The following TTC7B variants were observed in gnomAD, a reference collection of about 807,000 sequenced individuals.
TTC7B encodes tetratricopeptide repeat domain 7B.
TTC7B carries 28 observed loss-of-function variants against 106.8 expected under a neutral mutation model. The observed-to-expected ratio is 0.26, with a 90% CI of 0.19 to 0.36. The LOEUF (loss-of-function observed/expected upper bound fraction) is 0.36. Ranked by LOEUF, TTC7B falls within the 10% of genes least tolerant of loss-of-function variation. The pLI is 1.00. For missense variants in TTC7B, 862 were observed against 1,076.4 expected (o/e 0.80, Z 2.79); for synonymous variants, 405 against 430.6 (o/e 0.94, Z 0.74).
In TTC7B at chr14:90,643,519, A is replaced by G. The variant is rs1315285219; in HGVS notation, c.1751+529T>C. ...GGAAAGAGTGGATAAAGTATTTTAA[A>G]AAAATAAGGATGACCTTATGTTAGG... On this transcript the variant is annotated intron_variant, in intron 15 of 19. Coordinates refer to ENST00000328459, the MANE Select transcript of TTC7B (RefSeq NM_001010854.2). Among the ~76,000 whole-genome samples the G allele has an allele frequency of 2.6e-5, 4 of 152,212 alleles. No homozygotes were observed. The East Asian group carries it at 7.7e-4, about 29-fold the overall frequency.
intron 18 of TTC7B, among the ~76,000 whole-genome samples, chr14:90,580,977 G>A (rs911129930): frequency 6.6e-6 from 1 of 152,148 alleles, no homozygotes; most frequent in Non-Finnish European, 1.5e-5. Context: ...CAGCCTGGCC[G>A]GTCCCTCCCT....
At chr14:90,566,686 G>A (rs185267387) in intron 19 of TTC7B, among the ~76,000 whole-genome samples, 1 of 152,326 alleles carries the variant, frequency 6.6e-6, no homozygotes, top group Non-Finnish European at 1.5e-5. Context: ...TGAACGTGGT[G>A]GGCAGTAAAG....
At chr14:90,801,668 G>A (rs949536352) in intron 1 of TTC7B, among the ~76,000 whole-genome samples, 26 of 152,276 alleles carry the variant, frequency 1.7e-4, no homozygotes, top group African/African-American at 5.1e-4. Context: ...AGGACTGAGC[G>A]GGAAGGACCT....
rs530995910 is a variant in TTC7B at position 90,551,639 on chromosome 14, T to A, written c.2311-10050A>T. Among the ~76,000 whole-genome samples the A allele has an allele frequency of 2.6e-5, 4 of 152,266 alleles. No homozygotes were observed. The East Asian group carries it at 7.7e-4, about 29-fold the overall frequency. On this transcript the variant is annotated intron_variant, in intron 19 of 19. Transcript: ENST00000328459. ...TTTTCAAAAATATTTTTCTTTTAAA[T>A]CAAAATATAAATAGACTGCAAACCA...
chr14:90,577,969 G>T lies in TTC7B; in HGVS notation c.2310+137C>A. The T allele has an allele frequency of 1.8e-6, 2 of 1,105,202 alleles. No individual in the cohort carries two copies. The highest frequency in any genetic ancestry group is 2.6e-6 in the Non-Finnish European group (2 of 773,712). The allele number at this position is 1,105,202 out of a possible 1,614,324, so 68.5% of individuals were successfully genotyped here. A position where few individuals can be genotyped will look rare whatever the true frequency, so the allele number is the denominator to read the frequency against. The stretch of plus-strand genomic sequence containing the variant: ...TAGAAACGGTGCCCTCTGGCTTCAG[G>T]CCATGTGACAGCCTGGCAAGCTAAC... On this transcript the variant is annotated intron_variant, in intron 19 of 19. Transcript: ENST00000328459. This position sits in a 1 kb window ranked among gnomAD's most constrained non-coding sequence, Gnocchi z 5.0.
chr14:90,581,306 C>T (rs888183399), intron 18 of TTC7B, among the ~76,000 whole-genome samples: 1 of 152,114 alleles, frequency 6.6e-6, no homozygotes. Context: ...AACTCCTGAA[C>T]TTCTATACTC....
intron 1 of TTC7B, among the ~76,000 whole-genome samples, chr14:90,791,689 C>A (rs1437859544): frequency 1.3e-5 from 2 of 152,052 alleles, no homozygotes; most frequent in East Asian, 3.9e-4. Context: ...GTTCACCCTC[C>A]CCCATAGGCT....
chr14:90,574,891 C>T (rs1369321642), intron 19 of TTC7B, among the ~76,000 whole-genome samples: 2 of 152,214 alleles, frequency 1.3e-5, no homozygotes, highest in African/African-American at 4.8e-5. Context: ...CGACCTGTCT[C>T]CCAGTTGGCT....
chr14:90,661,996 C>T lies in TTC7B; in HGVS notation c.1153-3609G>A, dbSNP rs1886226653. Among the ~76,000 whole-genome samples, 2 of 152,326 alleles carry T rather than the reference C, an allele frequency of 1.3e-5. 1 individual carries two copies. On this transcript the variant is annotated intron_variant, in intron 9 of 19. Transcript: ENST00000328459. ...TTCCAGGTGCTACAGGAAAGAAAAA[C>T]AGCCCCAGTCCTCATCAGGAGTAGA...
chr14:90,725,749 A>G (rs1889075808), intron 5 of TTC7B, among the ~76,000 whole-genome samples: 1 of 152,180 alleles, frequency 6.6e-6, no homozygotes, highest in Admixed American at 6.5e-5. Flanking sequence ...GCTGACAGTC[A>G]TTTGCCTTTT....
At position 90,539,553 on chromosome 14, in the gene TTC7B, G is replaced by C. The variant is rs892851090; in HGVS notation, c.*1815C>G. 39 of 152,466 alleles carry C rather than the reference G, an allele frequency of 2.6e-4. No individual in the cohort carries two copies. The highest frequency in any genetic ancestry group is 9.4e-4 in the African/African-American group (39 of 41,478). 9.4% of individuals were successfully genotyped at this position (152,466 alleles called of 1,614,324 possible). Reference sequence around the variant, plus strand: ...GCTGAGGCTGGGGCTCCTACCTACTGTCTCTCCCTCCTTGGCTGCCCCCTA... The same window carrying C: ...GCTGAGGCTGGGGCTCCTACCTACTCTCTCTCCCTCCTTGGCTGCCCCCTA... On this transcript the variant is annotated 3_prime_UTR_variant, in exon 20 of 20. Transcript: ENST00000328459.
chr14:90,735,161 G>A (rs960224159), intron 4 of TTC7B, among the ~76,000 whole-genome samples: 11 of 152,192 alleles, frequency 7.2e-5, no homozygotes, highest in African/African-American at 2.7e-4. Context: ...ACATGATTGT[G>A]CAAGTGAATT....
At chr14:90,659,881 G>A (rs763768751) in intron 9 of TTC7B, among the ~76,000 whole-genome samples, 1 of 152,178 alleles carries the variant, frequency 6.6e-6, no homozygotes, top group Non-Finnish European at 1.5e-5. Context: ...AGACTCTGGG[G>A]AGATAAATTA....
intron 19 of TTC7B, among the ~76,000 whole-genome samples, chr14:90,574,369 T>C (rs1200821453): frequency 6.6e-6 from 1 of 152,244 alleles, no homozygotes; most frequent in East Asian, 1.9e-4. Flanking sequence ...CTTATCCCTC[T>C]AGCATGCTGC....
rs1309170948 is a variant in TTC7B, at chr14:90,742,092, G to C, written c.576+2700C>G. Reference sequence around the variant, plus strand: ...CATATTTATTGACTTTTTTTTTTAAGTGCAGTGGTACAATCATAGCTCACT... The same window carrying C: ...CATATTTATTGACTTTTTTTTTTAACTGCAGTGGTACAATCATAGCTCACT... On this transcript the variant is annotated intron_variant, in intron 4 of 19. Transcript: ENST00000328459. The surrounding 1 kb of genome is among the most constrained non-coding windows in gnomAD (Gnocchi z 4.1). Among the ~76,000 whole-genome samples, 1 of 151,580 alleles carries C rather than the reference G, an allele frequency of 6.6e-6. No homozygotes were observed. The highest frequency in any genetic ancestry group is 1.5e-5 in the Non-Finnish European group (1 of 67,930).
chr14:90,634,331 A>C (rs760867133), intron 15 of TTC7B, among the ~76,000 whole-genome samples: 3 of 152,228 alleles, frequency 2.0e-5, no homozygotes, highest in Non-Finnish European at 2.9e-5. Flanking sequence ...AGGAGCAACA[A>C]AACGACAAGA....
At chr14:90,552,961 A>AG (rs1279478305) in intron 19 of TTC7B, among the ~76,000 whole-genome samples, 1 of 152,214 alleles carries the variant, frequency 6.6e-6, no homozygotes, top group African/African-American at 2.4e-5. Context: ...AGGGGTGTGG[A>AG]GCCCCAGAGA....
chr14:90,694,611 T>G (rs1388449953), intron 6 of TTC7B, among the ~76,000 whole-genome samples: 1 of 147,932 alleles, frequency 6.8e-6, no homozygotes, highest in Non-Finnish European at 1.5e-5. Flanking sequence ...TATAAATATA[T>G]GTATAATATA....
intron 12 of TTC7B, among the ~76,000 whole-genome samples, chr14:90,653,246 G>A (rs1885808501): frequency 6.6e-6 from 1 of 152,222 alleles, no homozygotes; most frequent in African/African-American, 2.4e-5. Flanking sequence ...TGTAACTCAG[G>A]GGAACGACAA....
Sources: allele counts gnomAD v4.1 joint callset (sites outside exome capture counted in the v4.1 genomes callset), GRCh38; gene constraint gnomAD v4.1.1; non-coding constraint Gnocchi (gnomAD v3.1); transcripts MANE v1.5; gene names NCBI Gene and HGNC (gene_info 2026-07-23, HGNC 2026-07-21).